The following TUFT1 variants were observed in gnomAD, a reference collection of about 807,000 sequenced individuals.
The protein encoded by TUFT1 is tuftelin 1, also known as tuftelin.
A neutral mutation model predicts 57.8 loss-of-function variants in TUFT1; 43 were observed. The ratio of observed to expected loss-of-function variants is 0.74; its 90% CI spans 0.58 to 0.96. The LOEUF (loss-of-function observed/expected upper bound fraction) is 0.96. TUFT1 is among the 40% of genes least tolerant of loss of function. TUFT1 has a pLI of 0.00. For missense variants in TUFT1, 459 were observed against 489.0 expected, an observed-to-expected ratio of 0.94 and a Z score of 0.58; for synonymous variants, 166 against 176.7, an observed-to-expected ratio of 0.94 and a Z score of 0.48.
intron 7 of TUFT1, among the ~76,000 whole-genome samples, chr1:151,572,602 T>G (rs1666293353): frequency 6.6e-6 from 1 of 152,322 alleles, no homozygotes; most frequent in South Asian, 2.1e-4. Context: ...AAGGCTTGTC[T>G]CAGTCTCTCC....
chr1:151,568,194 CT>C (rs1666142219), intron 6 of TUFT1, among the ~76,000 whole-genome samples: 1 of 152,150 alleles, frequency 6.6e-6, no homozygotes, highest in Non-Finnish European at 1.5e-5. Flanking sequence ...CTCATGGGTC[CT>C]GTCAAGGCCT....
At chr1:151,550,439 G>A (rs1665472666) in intron 1 of TUFT1, among the ~76,000 whole-genome samples, 1 of 152,052 alleles carries the variant, frequency 6.6e-6, no homozygotes, top group Admixed American at 6.6e-5. Context: ...CCGCCCCTTG[G>A]GTTTAAGCGA....
At chr1:151,569,273 A>C (rs540782744) in intron 6 of TUFT1, among the ~76,000 whole-genome samples, 1 of 152,334 alleles carries the variant, frequency 6.6e-6, no homozygotes, top group South Asian at 2.1e-4. Context: ...TGGGAACTCT[A>C]GTCCAAAGGG....
At chr1:151,540,890 G>C (rs974968377) in intron 1 of TUFT1, 1 of 158,562 alleles carries the variant, frequency 6.3e-6, no homozygotes, top group Non-Finnish European at 1.4e-5. Flanking sequence ...TGCTTTGGAT[G>C]ATCAGTAACA....
intron 1 of TUFT1, among the ~76,000 whole-genome samples, chr1:151,548,305 CTTTT>C (rs11435666): frequency 1.5e-5 from 2 of 130,576 alleles, no homozygotes; most frequent in Non-Finnish European, 1.6e-5. Flanking sequence ...TTTTTCTTTT[CTTTT>C]TTTTTTTTTT....
At chr1:151,569,003 G>A (rs942304342) in intron 6 of TUFT1, among the ~76,000 whole-genome samples, 1 of 152,194 alleles carries the variant, frequency 6.6e-6, no homozygotes, top group South Asian at 2.1e-4. Context: ...AGAGACGGGG[G>A]TGAGACCCTA....
At chr1:151,561,930 A>G in intron 1 of TUFT1, 161 bp from the exon 2 acceptor site, 1 of 1,499,266 alleles carries the variant, frequency 6.7e-7, no homozygotes. Context: ...ATCTTGGGCA[A>G]GGTAATGCTG....
intron 7 of TUFT1, among the ~76,000 whole-genome samples, chr1:151,572,517 A>C (rs1025712692): frequency 3.9e-5 from 6 of 152,034 alleles, no homozygotes; most frequent in African/African-American, 1.5e-4. Context: ...ACATAAATAA[A>C]ATTTTTTTAA....
At chr1:151,562,252 C>G in intron 2 of TUFT1, 87 bp downstream of exon 2, 1 of 1,228,018 alleles carries the variant, frequency 8.1e-7, no homozygotes, top group Non-Finnish European at 1.2e-6. Flanking sequence ...TGCCTGGAGC[C>G]GACTCTGGTG....
At chr1:151,569,571 A>T (rs1177915937) in intron 6 of TUFT1, 86 bp from the exon 7 acceptor site, 7 of 1,099,646 alleles carry the variant, frequency 6.4e-6, no homozygotes, top group Non-Finnish European at 9.7e-6. Flanking sequence ...GATGGTCCAA[A>T]CCAGTGTGTG....
intron 1 of TUFT1, chr1:151,558,076 T>G (rs1665771681): frequency 3.1e-6 from 1 of 325,352 alleles, no homozygotes; most frequent in Non-Finnish European, 5.9e-6. Flanking sequence ...TTCTTCCCAT[T>G]ATTTCAAGTT....
At position 151,581,873 on chromosome 1, in the gene TUFT1, C is replaced by T; in HGVS notation, c.*166C>T. On this transcript the variant is annotated 3_prime_UTR_variant, in exon 13 of 13. Coordinates refer to ENST00000368849, the MANE Select transcript of TUFT1 (RefSeq NM_020127.3). ...TTCCCAAGCCCCTGGCCACTCTAAGCTGGGCAGACGGAGCACGAGCACCTA... is the reference window on the plus strand; with the variant it reads ...TTCCCAAGCCCCTGGCCACTCTAAGTTGGGCAGACGGAGCACGAGCACCTA... 1 of 697,588 alleles carries T rather than the reference C, an allele frequency of 1.4e-6. No individual in the cohort carries two copies. The highest frequency in any genetic ancestry group is 2.5e-6 in the Non-Finnish European group (1 of 397,502). The allele number at this position is 697,588 out of a possible 1,614,324, so 43.2% of individuals were successfully genotyped here.
At chr1:151,546,232 G>A (rs1665334727) in intron 1 of TUFT1, among the ~76,000 whole-genome samples, 1 of 151,846 alleles carries the variant, frequency 6.6e-6, no homozygotes, top group Non-Finnish European at 1.5e-5. Context: ...TGTGGAATAG[G>A]TGACATTCCT....
intron 10 of TUFT1, among the ~76,000 whole-genome samples, chr1:151,579,131 T>C (rs1571722100): frequency 6.6e-6 from 1 of 152,220 alleles, no homozygotes; most frequent in Non-Finnish European, 1.5e-5. Context: ...CTGTTATCTG[T>C]GCAGATTATC....
chr1:151,580,527 G>T lies in TUFT1; in HGVS notation c.1009-415G>T, dbSNP rs953542670. The stretch of plus-strand genomic sequence containing the variant: ...AAATTTTTTTAATTAACCAGATGTG[G>T]TGGCATGCATCTGTAGTCCAGTTAC... On this transcript the variant is annotated intron_variant, in intron 11 of 12. Coordinates refer to ENST00000368849, the MANE Select transcript of TUFT1 (RefSeq NM_020127.3). Among the ~76,000 whole-genome samples, 4 of 151,888 alleles carry T rather than the reference G, an allele frequency of 2.6e-5. No individual in the cohort carries two copies. In the South Asian group the frequency reaches 8.3e-4, roughly 32 times the overall value.
Position 151,580,110 on chromosome 1 carries a change from C to T in TUFT1, c.1008+378C>T, listed in dbSNP as rs373044595. ...TGGAGCCTTTTCCAGGGCTAGATTA[C>T]GTAACGAGTTGCCTTCCTAGTCTAA... On this transcript the variant is annotated intron_variant, in intron 11 of 12. Transcript: ENST00000368849. 1.1e-4 allele frequency among the ~76,000 whole-genome samples: 16 copies of T among 152,274 alleles called. No individual in the cohort carries two copies. In the South Asian group the frequency reaches 1.2e-3, roughly 12 times the overall value.
intron 6 of TUFT1, among the ~76,000 whole-genome samples, chr1:151,568,380 G>A (rs1357944493): frequency 6.6e-6 from 1 of 152,110 alleles, no homozygotes; most frequent in East Asian, 1.9e-4. Context: ...CCCTGGTACC[G>A]TGTTTTTTAG....
chr1:151,569,213 T>A (rs1260978840), intron 6 of TUFT1, among the ~76,000 whole-genome samples: 1 of 152,152 alleles, frequency 6.6e-6, no homozygotes, highest in Non-Finnish European at 1.5e-5. Flanking sequence ...GTAAAGGATG[T>A]GCTTTTGGAC....
intron 1 of TUFT1, among the ~76,000 whole-genome samples, chr1:151,544,699 A>T (rs1338545435): frequency 6.6e-6 from 1 of 152,188 alleles, no homozygotes; most frequent in Non-Finnish European, 1.5e-5. Context: ...CATGATTTTA[A>T]AGTATCAAAG....
Sources: allele counts gnomAD v4.1 joint callset (sites outside exome capture counted in the v4.1 genomes callset), GRCh38; gene constraint gnomAD v4.1.1; transcripts MANE v1.5; gene names NCBI Gene and HGNC (gene_info 2026-07-23, HGNC 2026-07-21).